The following VPS13B variants were observed in gnomAD, a reference collection of about 807,000 sequenced individuals.
VPS13B encodes the protein intermembrane lipid transfer protein VPS13B.
VPS13B carries 285 observed loss-of-function variants against 426.4 expected under a neutral mutation model. The observed-to-expected ratio is 0.67, with a 90% CI of 0.61 to 0.74. The LOEUF is 0.74. VPS13B is among the 30% of genes least tolerant of loss of function. VPS13B has a pLI of 0.00. For synonymous variants in VPS13B, 1,676 were observed against 1,676.4 expected (o/e 1.00, Z 0.01); for missense variants, 4,537 against 4,782.6 (o/e 0.95, Z 1.51).
chr8:99,474,183 A>AATTTTTTTTTT (rs1819563142), intron 24 of VPS13B, among the ~76,000 whole-genome samples: 1 of 124,964 alleles, frequency 8.0e-6, no homozygotes, highest in African/African-American at 3.3e-5. Flanking sequence ...CTGTTATCCA[A>AATTTTTTTTTT]TTTTTTTTTT....
rs188205553 is a variant in VPS13B, at chr8:99,554,296, C to T, written c.4746-2154C>T. Among the ~76,000 whole-genome samples, 29 of 152,122 alleles carry T rather than the reference C, an allele frequency of 1.9e-4. No individual in the cohort carries two copies. The South Asian group carries it at 2.7e-3, about 14-fold the overall frequency. On this transcript the variant is annotated intron_variant, in intron 30 of 61. Coordinates refer to ENST00000357162, the MANE Select transcript of VPS13B (RefSeq NM_152564.5). Reference sequence around the variant, plus strand: ...GGGAGTTTATTTAAAATGTAGAGAGCATTGGCTGTTTTAAAATAGGTAAAA... The same window carrying T: ...GGGAGTTTATTTAAAATGTAGAGAGTATTGGCTGTTTTAAAATAGGTAAAA...
intron 1 of VPS13B, 57 bp from the exon 2 acceptor site, chr8:99,013,703 A>G: frequency 6.5e-7 from 1 of 1,547,140 alleles, no homozygotes; most frequent in Non-Finnish European, 8.9e-7. Flanking sequence ...TGAGATAACG[A>G]ACGCTCTTTC....
intron 35 of VPS13B, among the ~76,000 whole-genome samples, chr8:99,685,000 C>T (rs1831322853): frequency 6.6e-6 from 1 of 152,022 alleles, no homozygotes; most frequent in Non-Finnish European, 1.5e-5. Context: ...ATGGGGTTTC[C>T]CCATCTTGGC....
intron 29 of VPS13B, among the ~76,000 whole-genome samples, chr8:99,513,283 G>T (rs1362969528): frequency 6.6e-6 from 1 of 151,942 alleles, no homozygotes; most frequent in Non-Finnish European, 1.5e-5. Context: ...ATTTCCTGAA[G>T]TGTTTGTTTT....
At chr8:99,557,810 C>T (rs372823472) in intron 31 of VPS13B, among the ~76,000 whole-genome samples, 3 of 152,006 alleles carry the variant, frequency 2.0e-5, no homozygotes, top group Non-Finnish European at 2.9e-5. Context: ...TGGTTCTCAT[C>T]GGAGAAATAG....
intron 35 of VPS13B, among the ~76,000 whole-genome samples, chr8:99,684,177 A>G (rs1016453423): frequency 2.0e-5 from 3 of 152,228 alleles, no homozygotes; most frequent in African/African-American, 7.2e-5. Flanking sequence ...GTGGTACATC[A>G]TTAGTTCTGT....
intron 33 of VPS13B, among the ~76,000 whole-genome samples, chr8:99,615,887 T>C (rs569079058): frequency 1.3e-3 from 199 of 151,722 alleles, no homozygotes; most frequent in African/African-American, 4.7e-3. Flanking sequence ...TTTATTGTCT[T>C]TTTTTATGCG....
intron 30 of VPS13B, among the ~76,000 whole-genome samples, chr8:99,523,632 C>T (rs1588461245): frequency 6.6e-6 from 1 of 152,310 alleles, no homozygotes; most frequent in Middle Eastern, 3.4e-3. Context: ...CAAGGTGGCA[C>T]CTGTACAAGT....
At chr8:99,797,872 A>C (rs949447704) in intron 43 of VPS13B, among the ~76,000 whole-genome samples, 2 of 152,164 alleles carry the variant, frequency 1.3e-5, no homozygotes, top group Non-Finnish European at 2.9e-5. Context: ...ATGTCATTAC[A>C]AGTTAAATTT....
At chr8:99,816,493 G>A (rs1814048673) in intron 44 of VPS13B, among the ~76,000 whole-genome samples, 1 of 152,148 alleles carries the variant, frequency 6.6e-6, no homozygotes, top group Admixed American at 6.5e-5. Flanking sequence ...ATAAATCTGT[G>A]TGTTTATAAA....
At chr8:99,831,736 T>C (rs1292315814) in intron 51 of VPS13B, among the ~76,000 whole-genome samples, 1 of 152,238 alleles carries the variant, frequency 6.6e-6, no homozygotes, top group African/African-American at 2.4e-5. Flanking sequence ...ATTTACATGT[T>C]ATCAAGTATT....
At chr8:99,470,405 C>T (rs1403769676) in intron 24 of VPS13B, among the ~76,000 whole-genome samples, 1 of 151,836 alleles carries the variant, frequency 6.6e-6, no homozygotes, top group East Asian at 1.9e-4. Flanking sequence ...CAAAGGAAAG[C>T]ATACTAAATG....
At chr8:99,088,583 G>A (rs2132404748) in intron 3 of VPS13B, among the ~76,000 whole-genome samples, 1 of 152,258 alleles carries the variant, frequency 6.6e-6, no homozygotes, top group East Asian at 1.9e-4. Flanking sequence ...TTTTTTCTCA[G>A]TGCTACTTCC....
At chr8:99,796,347 A>ATT (rs201889340) in intron 43 of VPS13B, among the ~76,000 whole-genome samples, 3 of 146,410 alleles carry the variant, frequency 2.0e-5, no homozygotes, top group East Asian at 4.0e-4. Context: ...ATGAGCATGA[A>ATT]TTTTTTTTTT....
intron 22 of VPS13B, among the ~76,000 whole-genome samples, chr8:99,437,181 G>A (rs1817425095): frequency 6.6e-6 from 1 of 152,110 alleles, no homozygotes; most frequent in Non-Finnish European, 1.5e-5. Flanking sequence ...AGGTAATTAT[G>A]TTTGGAACCA....
chr8:99,398,852 G>T (rs1202616164), intron 21 of VPS13B, among the ~76,000 whole-genome samples: 11 of 150,034 alleles, frequency 7.3e-5, no homozygotes, highest in Non-Finnish European at 3.0e-5. Context: ...GAATCTAAGA[G>T]ATCAAAAAAT....
intron 35 of VPS13B, among the ~76,000 whole-genome samples, chr8:99,668,496 T>C (rs1830576177): frequency 6.6e-6 from 1 of 152,180 alleles, no homozygotes; most frequent in South Asian, 2.1e-4. Flanking sequence ...GCAGGGATTA[T>C]TTTCTCTAAA....
At chr8:99,072,029 G>A (rs1844879264) in intron 3 of VPS13B, among the ~76,000 whole-genome samples, 1 of 152,016 alleles carries the variant, frequency 6.6e-6, no homozygotes, top group African/African-American at 2.4e-5. Context: ...CCAGGGTCTG[G>A]AACTGGGGAC....
Position 99,575,117 on chromosome 8 carries a change from G to A in VPS13B, c.4950-541G>A, listed in dbSNP as rs549610759. Among the ~76,000 whole-genome samples the A allele has an allele frequency of 9.5e-3, 1,447 of 152,200 alleles. 29 individuals are homozygous for A. Among genetic ancestry groups the A allele is most frequent in the African/African-American group, 0.033 (1,384 of 41,518 alleles). On this transcript the variant is annotated intron_variant, in intron 31 of 61. Coordinates refer to ENST00000357162, the MANE Select transcript of VPS13B (RefSeq NM_152564.5). The stretch of plus-strand genomic sequence containing the variant: ...GGAGATTGAGGCTACAGTGAGCCAT[G>A]ATTGCACCACTGCACTCCAGCCTAG...
Sources: gnomAD v4.1 joint callset for allele counts (sites outside exome capture counted in the v4.1 genomes callset) on GRCh38, gnomAD v4.1.1 for gene constraint, MANE v1.5 for transcripts, NCBI Gene and HGNC (gene_info 2026-07-23, HGNC 2026-07-21) for gene names.